The following CUL4A variants were observed in gnomAD, a reference collection of about 807,000 sequenced individuals.
CUL4A encodes the protein cullin 4A.
In CUL4A, 16 loss-of-function variants were observed where a neutral mutation model predicts 95.5. The observed-to-expected ratio is 0.17, with a 90% confidence interval of 0.11 to 0.25. CUL4A has a LOEUF of 0.25. CUL4A is among the 10% of genes least tolerant of loss of function. The pLI, the probability that CUL4A is intolerant of heterozygous loss-of-function variation, is 1.00. For missense variants in CUL4A, 610 were observed against 937.0 expected, an observed-to-expected ratio of 0.65 and a Z score of 4.56; for synonymous variants, 380 against 353.1, an observed-to-expected ratio of 1.08 and a Z score of -0.85.
At chr13:113,236,367 A>C (rs1358851708) in intron 8 of CUL4A, among the ~76,000 whole-genome samples, 1 of 152,112 alleles carries the variant, frequency 6.6e-6, no homozygotes, top group African/African-American at 2.4e-5. Context: ...TAGTGGAGAG[A>C]GCGGCAGCCA....
At chr13:113,245,291 G>A in intron 14 of CUL4A, 54 bp downstream of exon 14, 1 of 1,492,974 alleles carries the variant, frequency 6.7e-7, no homozygotes, top group Non-Finnish European at 9.3e-7. Context: ...TGTTAGTGTG[G>A]TGGCTCATGC....
intron 18 of CUL4A, among the ~76,000 whole-genome samples, chr13:113,260,296 A>G (rs1439844366): frequency 6.6e-6 from 1 of 151,322 alleles, no homozygotes; most frequent in Non-Finnish European, 1.5e-5. Context: ...CACACCTGTA[A>G]TCCCAGCACT....
At chr13:113,235,947 G>T (rs1210480138) in intron 8 of CUL4A, among the ~76,000 whole-genome samples, 1 of 151,466 alleles carries the variant, frequency 6.6e-6, no homozygotes, top group Non-Finnish European at 1.5e-5. Context: ...CTCCAGCCTG[G>T]GCGACAGAGC....
At chr13:113,261,425 G>C (rs1367294108) in intron 19 of CUL4A, among the ~76,000 whole-genome samples, 2 of 152,120 alleles carry the variant, frequency 1.3e-5, no homozygotes. Context: ...TTCCATCAAG[G>C]GAATAAAGTT....
At chr13:113,254,923 A>C (rs758764646) in intron 17 of CUL4A, 30 bp from the exon 18 acceptor site, 1 of 1,607,836 alleles carries the variant, frequency 6.2e-7, no homozygotes, top group Non-Finnish European at 8.5e-7. Flanking sequence ...GTTTAACGCC[A>C]GCCTTTGCCT....
chr13:113,254,106 G>A (rs1426470209), intron 16 of CUL4A, among the ~76,000 whole-genome samples: 1 of 152,076 alleles, frequency 6.6e-6, no homozygotes, highest in African/African-American at 2.4e-5. Context: ...CTCTCTCCAG[G>A]TGTGCAGGAA....
At chr13:113,249,216 C>A (rs1433609019) in intron 15 of CUL4A, among the ~76,000 whole-genome samples, 1 of 152,060 alleles carries the variant, frequency 6.6e-6, no homozygotes, top group Non-Finnish European at 1.5e-5. Flanking sequence ...CCGTGCTGCA[C>A]CATACATGAG....
intron 5 of CUL4A, among the ~76,000 whole-genome samples, chr13:113,230,678 A>C (rs1258176280): frequency 6.6e-6 from 1 of 152,164 alleles, no homozygotes; most frequent in African/African-American, 2.4e-5. Context: ...TGTCACTCCT[A>C]TTTTATACAA....
chr13:113,229,027 C>T (rs2041212540), intron 4 of CUL4A, among the ~76,000 whole-genome samples: 1 of 151,942 alleles, frequency 6.6e-6, no homozygotes, highest in Non-Finnish European at 1.5e-5. Flanking sequence ...ACTCGGGAGG[C>T]TGAGGCAGGA....
upstream of CUL4A, chr13:113,208,527 A>C (rs1013811140): frequency 6.4e-7 from 1 of 1,574,252 alleles, no homozygotes; most frequent in African/African-American, 1.4e-5. Flanking sequence ...CTGAGGGTCC[A>C]AGGCAGGAGG....
At chr13:113,213,749 C>T (rs1263102892) in intron 2 of CUL4A, among the ~76,000 whole-genome samples, 1 of 152,160 alleles carries the variant, frequency 6.6e-6, no homozygotes, top group Non-Finnish European at 1.5e-5. Context: ...AGTGCTTACC[C>T]CAAAATGACA....
chr13:113,241,048 G>A (rs1262152693), intron 10 of CUL4A, among the ~76,000 whole-genome samples: 1 of 152,182 alleles, frequency 6.6e-6, no homozygotes, highest in Non-Finnish European at 1.5e-5. Flanking sequence ...CAGACCTGAA[G>A]TCATGTATCA....
chr13:113,257,044 C>T (rs975100559), intron 18 of CUL4A, among the ~76,000 whole-genome samples: 3 of 148,988 alleles, frequency 2.0e-5, no homozygotes, highest in Non-Finnish European at 4.4e-5. Flanking sequence ...CCTGTCTCAG[C>T]CTCTCGAGTA....
At chr13:113,224,149 G>A (rs907634962) in intron 3 of CUL4A, among the ~76,000 whole-genome samples, 9 of 151,946 alleles carry the variant, frequency 5.9e-5, no homozygotes, top group Non-Finnish European at 8.8e-5. Flanking sequence ...TCAGGAGATC[G>A]AGACCATCCT....
intron 15 of CUL4A, among the ~76,000 whole-genome samples, chr13:113,247,816 A>C (rs140651262): frequency 5.1e-4 from 77 of 152,294 alleles, no homozygotes; most frequent in African/African-American, 1.7e-3. Flanking sequence ...TTTCCCAAGA[A>C]CATAAGCACC....
rs774170213 is a variant in CUL4A at position 113,263,600 on chromosome 13, C to A, written c.*18C>A. On this transcript the variant is annotated 3_prime_UTR_variant, in exon 20 of 20. Coordinates refer to ENST00000375440, the MANE Select transcript of CUL4A (RefSeq NM_001008895.4). ...TGGCCTGACGCATCTGCAGACGGTT[C>A]CCCTTCATGAAACACTAGAATGTAC... 6.0e-6 allele frequency: 9 copies of A among 1,505,096 alleles called. No individual in the cohort carries two copies. Among genetic ancestry groups the A allele is most frequent in the Admixed American group, 1.9e-5 (1 of 53,734 alleles). The allele number at this position is 1,505,096 out of a possible 1,614,324, so 93.2% of individuals were successfully genotyped here. A position where few individuals can be genotyped will look rare whatever the true frequency, so the allele number is the denominator to read the frequency against.
intron 2 of CUL4A, 77 bp from the exon 3 acceptor site, chr13:113,218,868 T>A: frequency 1.1e-6 from 1 of 951,408 alleles, no homozygotes; most frequent in Non-Finnish European, 1.6e-6. Context: ...TGATTACAGC[T>A]ATGTTAACAA....
chr13:113,220,191 G>A (rs1275382501), intron 3 of CUL4A, among the ~76,000 whole-genome samples: 1 of 152,190 alleles, frequency 6.6e-6, no homozygotes, highest in African/African-American at 2.4e-5. Flanking sequence ...GCAGCAGTTG[G>A]TGCTGCTGAA....
rs779574306 is a variant in CUL4A at position 113,219,030 on chromosome 13, A to G, written c.350A>G (p.Gln117Arg). Residue 117 changes from glutamine to arginine, a missense_variant, in exon 3 of 20, where the codon CAG becomes CGG. By Grantham distance (43) the Gln-to-Arg change is conservative. This residue lies in a region of CUL4A where 168 missense variants were observed against 185.5 expected (regional missense o/e 0.91). Coordinates refer to ENST00000375440, the MANE Select transcript of CUL4A (RefSeq NM_001008895.4). ...GCCTGTGAAGACCACGTCCAGGCACAGATCCTTCCGTTTAGAGAATATCCT... is the reference window on the plus strand; with the variant it reads ...GCCTGTGAAGACCACGTCCAGGCACGGATCCTTCCGTTTAGAGAATATCCT... ...RQACEDHVQA[Q>R]ILPFREDSLD... The G allele has an allele frequency of 6.2e-7, 1 of 1,608,966 alleles. No individual in the cohort carries two copies. Among genetic ancestry groups the G allele is most frequent in the Admixed American group, 1.7e-5 (1 of 58,952 alleles).
Sources: gnomAD v4.1 joint callset for allele counts (sites outside exome capture counted in the v4.1 genomes callset) on GRCh38, gnomAD v4.1.1 for gene constraint, gnomAD v4.1.1 regional missense constraint, MANE v1.5 for transcripts, NCBI Gene and HGNC (gene_info 2026-07-23, HGNC 2026-07-21) for gene names.